The following RBFOX3 variants were observed in gnomAD, a reference collection of about 807,000 sequenced individuals.
RBFOX3 encodes the protein RNA binding protein fox-1 homolog 3.
In RBFOX3, 17 loss-of-function variants were observed where a neutral mutation model predicts 48.7. The observed-to-expected ratio is 0.35, with a 90% CI of 0.24 to 0.52. The LOEUF is 0.52. RBFOX3 is among the 20% of genes least tolerant of loss of function. The pLI is 0.94. For missense variants in RBFOX3, 382 were observed against 497.5 expected (o/e 0.77, Z 2.21); for synonymous variants, 212 against 209.5 (o/e 1.01, Z -0.10).
At chr17:79,110,272 T>A (rs752895970) in intron 5 of RBFOX3, among the ~76,000 whole-genome samples, 14 of 152,310 alleles carry the variant, frequency 9.2e-5, no homozygotes, top group Non-Finnish European at 1.9e-4. Context: ...CCGGCCATTA[T>A]GGACACCTCC....
intron 3 of RBFOX3, among the ~76,000 whole-genome samples, chr17:79,282,621 G>A (rs529530008): frequency 2.6e-5 from 4 of 152,326 alleles, no homozygotes; most frequent in African/African-American, 9.6e-5. Flanking sequence ...AGGGCCGGCC[G>A]CTGACCCAGA....
intron 3 of RBFOX3, among the ~76,000 whole-genome samples, chr17:79,259,676 G>A (rs1170556809): frequency 2.6e-5 from 4 of 152,136 alleles, no homozygotes; most frequent in Non-Finnish European, 5.9e-5. Flanking sequence ...TCAGTAGACC[G>A]GGCTCCCTTT....
intron 4 of RBFOX3, among the ~76,000 whole-genome samples, chr17:79,138,871 C>G (rs2041186188): frequency 6.9e-6 from 1 of 144,958 alleles, no homozygotes; most frequent in African/African-American, 2.6e-5. Flanking sequence ...CCCCCTCTCA[C>G]CCACACACGC....
Position 79,442,411 on chromosome 17 carries a change from CAG to C in RBFOX3, c.-175+40041_-175+40042del, listed in dbSNP as rs112425237. 1.0e-4 allele frequency among the ~76,000 whole-genome samples: 8 copies of C among 78,856 alleles called. 1 individual carries two copies. The highest frequency in any genetic ancestry group is 1.1e-4 in the African/African-American group (2 of 18,872). 51.7% of individuals were successfully genotyped at this position (78,856 alleles called of 152,430 possible). ...AGAGAGAGAGAGAGAGAAAGAGAGA[CAG>C]AGAGAGAGAGAGAGACACCAAGCAG... On this transcript the variant is annotated intron_variant, in intron 2 of 14. Transcript: ENST00000693108.
intron 4 of RBFOX3, among the ~76,000 whole-genome samples, chr17:79,160,178 G>A (rs189712536): frequency 2.6e-5 from 4 of 152,364 alleles, no homozygotes; most frequent in African/African-American, 7.2e-5. Flanking sequence ...GCTCCAGGCC[G>A]GGAGGAAAAA....
intron 3 of RBFOX3, among the ~76,000 whole-genome samples, chr17:79,286,559 G>C (rs1347833741): frequency 3.3e-5 from 5 of 152,218 alleles, no homozygotes. Flanking sequence ...GCCCATCCCT[G>C]GGCTGGCTTC....
intron 1 of RBFOX3, among the ~76,000 whole-genome samples, chr17:79,520,497 C>T (rs1427524375): frequency 3.3e-5 from 5 of 152,198 alleles, no homozygotes; most frequent in African/African-American, 1.2e-4. Context: ...ATTAAAACCC[C>T]AGCCCATACT....
chr17:79,383,933 A>G (rs1255317330), intron 2 of RBFOX3, among the ~76,000 whole-genome samples: 3 of 150,298 alleles, frequency 2.0e-5, no homozygotes, highest in African/African-American at 5.0e-5. Context: ...GGAATGTCAG[A>G]GGGGGGGGCA....
rs1032269817 is a variant in RBFOX3, at chr17:79,473,855, C to T, written c.-175+8599G>A. Reference sequence around the variant, plus strand: ...ACACACACACTCACACACACACACACGCAGAACTAAAGTTAGGCTTGCCTT... The same window carrying T: ...ACACACACACTCACACACACACACATGCAGAACTAAAGTTAGGCTTGCCTT... On this transcript the variant is annotated intron_variant, in intron 2 of 14. Transcript: ENST00000693108. This position sits in a 1 kb window ranked among gnomAD's most constrained non-coding sequence, Gnocchi z 4.2. 8.5e-5 allele frequency among the ~76,000 whole-genome samples: 13 copies of T among 152,150 alleles called. No homozygotes were observed. Among genetic ancestry groups the T allele is most frequent in the South Asian group, 6.2e-4 (3 of 4,830 alleles).
intron 3 of RBFOX3, among the ~76,000 whole-genome samples, chr17:79,261,595 A>C (rs1394736475): frequency 1.3e-5 from 2 of 152,200 alleles, no homozygotes; most frequent in Non-Finnish European, 2.9e-5. Flanking sequence ...ATGATGCGGC[A>C]GGTCTGGGGT....
chr17:79,530,885 C>T (rs1380977294), intron 1 of RBFOX3, among the ~76,000 whole-genome samples: 7 of 152,242 alleles, frequency 4.6e-5, no homozygotes, highest in Non-Finnish European at 1.0e-4. Flanking sequence ...AAGTAACTCA[C>T]GTTGTAAATA....
At chr17:79,235,313 A>G (rs941033164) in intron 4 of RBFOX3, 9 of 150,132 alleles carry the variant, frequency 6.0e-5, no homozygotes, top group African/African-American at 1.9e-4. Context: ...AGACCAGGCC[A>G]TGGAGATGAG....
At chr17:79,383,587 C>G (rs200778744) in intron 2 of RBFOX3, among the ~76,000 whole-genome samples, 2 of 152,218 alleles carry the variant, frequency 1.3e-5, no homozygotes, top group Non-Finnish European at 2.9e-5. Context: ...CCTGCCCCAA[C>G]GTGTGGAAAG....
intron 1 of RBFOX3, among the ~76,000 whole-genome samples, chr17:79,503,015 G>A (rs1020321731): frequency 2.6e-5 from 4 of 152,188 alleles, no homozygotes; most frequent in African/African-American, 4.8e-5. Context: ...CTGGGAGTCC[G>A]AGATCAGGGA....
intron 5 of RBFOX3, among the ~76,000 whole-genome samples, chr17:79,112,352 A>T (rs1204103525): frequency 6.6e-6 from 1 of 152,050 alleles, no homozygotes; most frequent in Non-Finnish European, 1.5e-5. Context: ...TGGGTGGTGG[A>T]GGTGTCGGGA....
chr17:79,605,992 C>T (rs908292983), intron 1 of RBFOX3, among the ~76,000 whole-genome samples: 2 of 152,226 alleles, frequency 1.3e-5, no homozygotes, highest in Non-Finnish European at 2.9e-5. Flanking sequence ...GGAGAGCACC[C>T]CATCCCTTGT....
At chr17:79,416,933 G>C (rs34142002) in intron 2 of RBFOX3, among the ~76,000 whole-genome samples, 29,525 of 152,256 alleles carry the variant, frequency 0.19, 3,042 homozygotes, top group South Asian at 0.27. Context: ...CAGGACCCAT[G>C]TTCCTTACCC....
At chr17:79,258,855 T>C (rs2065283767) in intron 3 of RBFOX3, among the ~76,000 whole-genome samples, 1 of 152,174 alleles carries the variant, frequency 6.6e-6, no homozygotes, top group Non-Finnish European at 1.5e-5. Flanking sequence ...TGGGCCACCT[T>C]GTACTTGACC....
At chr17:79,127,431 A>T (rs1442469674) in intron 4 of RBFOX3, among the ~76,000 whole-genome samples, 1 of 152,214 alleles carries the variant, frequency 6.6e-6, no homozygotes, top group Non-Finnish European at 1.5e-5. Flanking sequence ...GAACGGAGGA[A>T]CAGAAGAACA....
Sources: allele counts gnomAD v4.1 joint callset (sites outside exome capture counted in the v4.1 genomes callset), GRCh38; gene constraint gnomAD v4.1.1; non-coding constraint Gnocchi (gnomAD v3.1); transcripts MANE v1.5; gene names NCBI Gene and HGNC (gene_info 2026-07-23, HGNC 2026-07-21).